The following PLEKHO1 variants were observed in gnomAD, a reference collection of about 807,000 sequenced individuals.
PLEKHO1 encodes the protein pleckstrin homology domain-containing family O member 1.
PLEKHO1 carries 22 observed loss-of-function variants against 41.4 expected under a neutral mutation model. That is an observed-to-expected ratio of 0.53 (90% CI 0.38 to 0.76). The LOEUF is 0.76. Among genes scored for constraint, PLEKHO1 ranks in the 30% least tolerant of loss-of-function variants. The pLI is 0.00. For missense variants in PLEKHO1, 488 were observed against 518.3 expected, an observed-to-expected ratio of 0.94 and a Z score of 0.57; for synonymous variants, 225 against 210.8, an observed-to-expected ratio of 1.07 and a Z score of -0.58.
Position 150,159,635 on chromosome 1 carries a change from T to C in PLEKHO1, c.*112T>C, listed in dbSNP as rs2101695257. 9.6e-6 allele frequency: 7 copies of C among 728,294 alleles called. No individual in the cohort carries two copies. Among genetic ancestry groups the C allele is most frequent in the South Asian group, 8.4e-5 (4 of 47,862 alleles). The allele number at this position is 728,294 out of a possible 1,614,324, so 45.1% of individuals were successfully genotyped here. On this transcript the variant is annotated 3_prime_UTR_variant, in exon 6 of 6. Coordinates refer to ENST00000369124, the MANE Select transcript of PLEKHO1 (RefSeq NM_016274.6). ...AAAAAAGAAAACAAAAATGAACTCA[T>C]TGCTCTTGCTGATGCCTGACCCCAC...
At chr1:150,151,134 T>A (rs1306673394) in intron 2 of PLEKHO1, 76 bp downstream of exon 2, 68 of 1,540,126 alleles carry the variant, frequency 4.4e-5, no homozygotes, top group Non-Finnish European at 5.4e-5. Context: ...TCGCCTAGCT[T>A]ACTCCACCCC....
At chr1:150,158,664 G>A (rs1334828270) in intron 5 of PLEKHO1, among the ~76,000 whole-genome samples, 155 bp from the exon 6 acceptor site, 1 of 152,224 alleles carries the variant, frequency 6.6e-6, no homozygotes, top group African/African-American at 2.4e-5. Context: ...ACTCCAGCCT[G>A]GGTGACAGAG....
Position 150,150,202 on chromosome 1 carries a change from G to C in PLEKHO1, c.-56G>C. On this transcript the variant is annotated 5_prime_UTR_variant, in exon 1 of 6. Coordinates refer to ENST00000369124, the MANE Select transcript of PLEKHO1 (RefSeq NM_016274.6). ...GAAGGAGCCCCCGCGGTGCCGCCGA[G>C]GCCCCGACGCGGGGCCGCCCCTCGG... is the stretch of plus-strand genomic sequence containing the variant. The C allele has an allele frequency of 1.1e-6, 1 of 933,298 alleles. No homozygotes were observed. Among genetic ancestry groups the C allele is most frequent in the South Asian group, 4.7e-5 (1 of 21,448 alleles). 57.8% of individuals were successfully genotyped at this position (933,298 alleles called of 1,614,324 possible). A position where few individuals can be genotyped will look rare whatever the true frequency, so the allele number is the denominator to read the frequency against.
At position 150,156,073 on chromosome 1, in the gene PLEKHO1, A is replaced by G; in HGVS notation, c.185A>G (p.Asp62Gly). Residue 62 changes from aspartate to glycine, a missense_variant, in exon 3 of 6, where the codon GAT becomes GGT. Transcript: ENST00000369124. ...QLYISEKEVKDEKNIQEVFDL... is the reference protein window; with the variant it reads ...QLYISEKEVKGEKNIQEVFDL... ...ACCCCAACCCTCCCCTAGGTAAAAGATGAGAAAAATATTCAAGAGGTATTT... is the reference window on the plus strand; with the variant it reads ...ACCCCAACCCTCCCCTAGGTAAAAGGTGAGAAAAATATTCAAGAGGTATTT... The G allele has an allele frequency of 6.2e-7, 1 of 1,613,314 alleles. No individual in the cohort carries two copies. The highest frequency in any genetic ancestry group is 1.1e-5 in the South Asian group (1 of 90,970).
intron 4 of PLEKHO1, 126 bp downstream of exon 4, chr1:150,157,141 A>G (rs3208509): frequency 0.17 from 121,843 of 712,508 alleles, 15,797 homozygotes; most frequent in African/African-American, 0.54. Context: ...CTTCTTTACC[A>G]CCCTTTTAAA....
intron 2 of PLEKHO1, chr1:150,153,991 T>C (rs1660064575): frequency 6.6e-6 from 1 of 152,134 alleles, no homozygotes; most frequent in Admixed American, 6.5e-5. Context: ...AATATACTTG[T>C]CCTACTGCTT....
chr1:150,150,976 G>A lies in PLEKHO1; in HGVS notation c.95G>A (p.Cys32Tyr). Residue 32 changes from cysteine to tyrosine, a missense_variant, in exon 2 of 6, where the codon TGC (cysteine) becomes TAC (tyrosine). By Grantham distance (194) the Cys-to-Tyr change is radical (BLOSUM62 -2). Transcript: ENST00000369124. The part of the protein sequence containing the change: ...PEKVGWVRKF[C>Y]GKGIFREIWK... ...AAGGTCGGCTGGGTCCGGAAATTCT[G>A]CGGGAAAGGGATTTTCAGGGAGATT... 1 of 1,614,176 alleles carries A rather than the reference G, an allele frequency of 6.2e-7. No individual in the cohort carries two copies.
chr1:150,150,316 C>T (rs1553818383), intron 1 of PLEKHO1, 29 bp downstream of exon 1: 1 of 1,039,834 alleles, frequency 9.6e-7, no homozygotes, highest in Non-Finnish European at 1.2e-6. Flanking sequence ...CCTGCGGCCG[C>T]CGCCGCCTCC....
At chr1:150,157,055 G>A (rs781981679) in intron 4 of PLEKHO1, 40 bp downstream of exon 4, 2 of 1,288,218 alleles carry the variant, frequency 1.6e-6, no homozygotes, top group Non-Finnish European at 2.3e-6. Context: ...GAACGCTGGG[G>A]CAGAGGGAAC....
At chr1:150,157,769 C>T (rs1660235387) in intron 5 of PLEKHO1, among the ~76,000 whole-genome samples, 2 of 152,212 alleles carry the variant, frequency 1.3e-5, no homozygotes, top group African/African-American at 2.4e-5. Context: ...TGTATGGTGG[C>T]TGTCTTGATG....
chr1:150,157,579 G>C (rs1660226841), intron 5 of PLEKHO1, 93 bp downstream of exon 5: 1 of 833,350 alleles, frequency 1.2e-6, no homozygotes, highest in African/African-American at 1.7e-5. Context: ...ATTTGCGGGA[G>C]GCCTCCTTGA....
At chr1:150,157,541 TCAGA>T in intron 5 of PLEKHO1, 55 bp downstream of exon 5, 1 of 1,278,662 alleles carries the variant, frequency 7.8e-7, no homozygotes, top group East Asian at 2.3e-5. Flanking sequence ...TCAGTCCATC[TCAGA>T]CAGAACTGTA....
In PLEKHO1 at chr1:150,150,038, T is replaced by G. The variant is rs1397397647; in HGVS notation, c.-220T>G. 1.9e-5 allele frequency: 3 copies of G among 155,412 alleles called. No homozygotes were observed. The highest frequency in any genetic ancestry group is 6.6e-5 in the Admixed American group (1 of 15,186). 9.6% of individuals were successfully genotyped at this position (155,412 alleles called of 1,614,324 possible). On this transcript the variant is annotated 5_prime_UTR_variant, in exon 1 of 6. Coordinates refer to ENST00000369124, the MANE Select transcript of PLEKHO1 (RefSeq NM_016274.6). ...GGCGCCAAGGGGCGGGGAGCGGGCGTGCGTGTGTGTGCGAGTGCGAATGCG... is the reference window on the plus strand; with the variant it reads ...GGCGCCAAGGGGCGGGGAGCGGGCGGGCGTGTGTGTGCGAGTGCGAATGCG...
In PLEKHO1 at chr1:150,158,846, C is replaced by G; in HGVS notation, c.553C>G (p.Leu185Val). Reference protein sequence around the residue: ...VASTSTSDGMLTLDLIQEEDP... With the variant: ...VASTSTSDGMVTLDLIQEEDP... ...TTCCACCTCTACCTCGGATGGGATG[C>G]TGACCTTGGACTTGATCCAAGAGGA... Residue 185 changes from leucine (L) to valine (V), a missense_variant, in exon 6 of 6, where the codon CTG (leucine) becomes GTG (valine). Coordinates refer to ENST00000369124, the MANE Select transcript of PLEKHO1 (RefSeq NM_016274.6). The G allele has an allele frequency of 5.0e-6, 8 of 1,609,750 alleles. No individual in the cohort carries two copies. Among genetic ancestry groups the G allele is most frequent in the Non-Finnish European group, 6.8e-6 (8 of 1,176,450 alleles).
In PLEKHO1 at chr1:150,150,285, CG is replaced by C; in HGVS notation, c.30+1del. 1 of 1,111,154 alleles carries C rather than the reference CG, an allele frequency of 9.0e-7. No individual in the cohort carries two copies. Among genetic ancestry groups the C allele is most frequent in the Non-Finnish European group, 1.1e-6 (1 of 902,136 alleles). 68.8% of individuals were successfully genotyped at this position (1,111,154 alleles called of 1,614,324 possible). On this transcript the variant is annotated frameshift_variant and splice_region_variant, in exon 1 of 6. Transcript: ENST00000369124. LOFTEE classifies it high-confidence loss of function. MMKKNNSAKRGPQDGNQQPA... is the reference protein window; with the variant it reads MMKKNNSAKXGPQDGNQQPA... ...GATGAAGAAGAACAATTCCGCCAAG[CG>C]GGTGAGTGCGCTTGCCCGCCCTGCG...
chr1:150,159,144 C>T lies in PLEKHO1; in HGVS notation c.851C>T (p.Ala284Val). 4.3e-6 allele frequency: 7 copies of T among 1,611,692 alleles called. No homozygotes were observed. The highest frequency in any genetic ancestry group is 2.2e-5 in the East Asian group (1 of 44,868). The change falls in exon 6 of 6, where the codon GCC becomes GTC. Residue 284 changes from alanine (A) to valine (V), a missense_variant. By Grantham distance (64) the Ala-to-Val change is moderately conservative. Around this residue, in one of 3 missense-constraint regions of PLEKHO1, gnomAD observed 337 missense variants for 324.6 expected, o/e 1.04. Coordinates refer to ENST00000369124, the MANE Select transcript of PLEKHO1 (RefSeq NM_016274.6). ...EILSQRDAASARTLQLRAEEP... is the reference protein window; with the variant it reads ...EILSQRDAASVRTLQLRAEEP... ...CTATCTCAGCGGGATGCTGCCTCTG[C>T]CCGCACCCTCCAGCTGCGGGCTGAG... is the stretch of plus-strand genomic sequence containing the variant.
chr1:150,150,747 A>G (rs1571940161), intron 1 of PLEKHO1, 165 bp from the exon 2 acceptor site: 1 of 604,076 alleles, frequency 1.7e-6, no homozygotes. Flanking sequence ...AGTTCCTCGG[A>G]GTGAAAACCT....
In PLEKHO1 at chr1:150,153,180, G is replaced by A. The variant is rs138723435; in HGVS notation, c.177+2122G>A. On this transcript the variant is annotated intron_variant, in intron 2 of 5. Coordinates refer to ENST00000369124, the MANE Select transcript of PLEKHO1 (RefSeq NM_016274.6). ...TCCAGGGCCAATAGAATCAAGACAC[G>A]GTGTTCTGTTTTGTTTTGTTTTTTA... 3.9e-4 allele frequency among the ~76,000 whole-genome samples: 59 copies of A among 152,156 alleles called. 5 individuals are homozygous for A. In the East Asian group the frequency reaches 0.011, roughly 29 times the overall value.
intron 5 of PLEKHO1, 43 bp from the exon 6 acceptor site, chr1:150,158,776 T>C: frequency 7.3e-7 from 1 of 1,377,548 alleles, no homozygotes; most frequent in Non-Finnish European, 1.0e-6. Flanking sequence ...CGAAAATCCC[T>C]CCTGATGACA....
Sources: allele counts gnomAD v4.1 joint callset (sites outside exome capture counted in the v4.1 genomes callset), GRCh38; gene constraint gnomAD v4.1.1; regional missense constraint gnomAD v4.1.1; transcripts MANE v1.5; gene names NCBI Gene and HGNC (gene_info 2026-07-23, HGNC 2026-07-21).